ZDHHC14: variants seen among roughly 807,000 people sequenced by gnomAD.
ZDHHC14 encodes palmitoyltransferase ZDHHC14.
ZDHHC14 carries 16 observed loss-of-function variants against 47.7 expected under a neutral mutation model. The observed-to-expected ratio is 0.34, with a 90% CI of 0.23 to 0.51. The LOEUF is 0.51. Ranked by LOEUF, ZDHHC14 falls within the 20% of genes least tolerant of loss-of-function variation. The probability of loss-of-function intolerance (pLI) is 0.97; values close to 1 mark genes in which losing one functional copy is unlikely to be tolerated. For missense variants in ZDHHC14, 515 were observed against 662.5 expected, an observed-to-expected ratio of 0.78 and a Z score of 2.44; for synonymous variants, 293 against 278.9, an observed-to-expected ratio of 1.05 and a Z score of -0.50.
chr6:157,420,201 G>A (rs2114768620), intron 1 of ZDHHC14, among the ~76,000 whole-genome samples: 1 of 152,154 alleles, frequency 6.6e-6, no homozygotes, highest in Middle Eastern at 3.4e-3. Context: ...AGGCACTGAT[G>A]AGAGGAGAGA....
At chr6:157,494,469 C>A (rs748378903) in intron 1 of ZDHHC14, among the ~76,000 whole-genome samples, 1 of 152,204 alleles carries the variant, frequency 6.6e-6, no homozygotes, top group Admixed American at 6.5e-5. Flanking sequence ...CTGATTTCCA[C>A]TTGAAAGATG....
At chr6:157,587,035 T>C (rs1332758012) in intron 2 of ZDHHC14, among the ~76,000 whole-genome samples, 3 of 152,214 alleles carry the variant, frequency 2.0e-5, no homozygotes, top group Admixed American at 1.3e-4. Context: ...ATTTAAATAG[T>C]TGTAGTGTTG....
chr6:157,537,899 A>G (rs1781599371), intron 1 of ZDHHC14, among the ~76,000 whole-genome samples: 1 of 152,228 alleles, frequency 6.6e-6, no homozygotes, highest in Non-Finnish European at 1.5e-5. Flanking sequence ...GGGATGTCCC[A>G]TTAGTCTCAC....
intron 5 of ZDHHC14, among the ~76,000 whole-genome samples, chr6:157,636,296 GCA>G (rs1162290719): frequency 4.0e-5 from 6 of 150,678 alleles, no homozygotes; most frequent in South Asian, 2.1e-4. Flanking sequence ...AGCTATAGAC[GCA>G]CACACACACA....
intron 1 of ZDHHC14, among the ~76,000 whole-genome samples, chr6:157,447,710 G>T (rs1244081260): frequency 1.3e-5 from 2 of 152,168 alleles, no homozygotes; most frequent in African/African-American, 4.8e-5. Context: ...AAGGAAGGAG[G>T]ATAGAAGCCA....
At position 157,398,982 on chromosome 6, in the gene ZDHHC14, G is replaced by C. The variant is rs145582775; in HGVS notation, c.245+16716G>C. 7.6e-3 allele frequency among the ~76,000 whole-genome samples: 1,162 copies of C among 152,276 alleles called. 20 individuals carry two copies. The highest frequency in any genetic ancestry group is 0.026 in the African/African-American group (1,101 of 41,550). On this transcript the variant is annotated intron_variant, in intron 1 of 8. Transcript: ENST00000359775. ...ATGATTTTACTTGAAATGTCTGGTC[G>C]TATACATGGATCAAAATAATTAAGA...
At chr6:157,654,030 A>G (rs1182540047) in intron 8 of ZDHHC14, among the ~76,000 whole-genome samples, 1 of 152,000 alleles carries the variant, frequency 6.6e-6, no homozygotes, top group Non-Finnish European at 1.5e-5. Context: ...CACTTCCTCA[A>G]GCGTGCAGTG....
chr6:157,615,306 G>A (rs185940611), intron 3 of ZDHHC14, among the ~76,000 whole-genome samples: 116 of 152,280 alleles, frequency 7.6e-4, no homozygotes, highest in African/African-American at 2.4e-3. Context: ...ACGTCTGTGC[G>A]GACCCAAGTC....
chr6:157,586,946 C>G lies in ZDHHC14; in HGVS notation c.407-6042C>G, dbSNP rs572827281. ...ATCTTTTAAAAAATGCACTTTGGAA[C>G]TAAAGATCAATAGAGTTTATCTTCA... On this transcript the variant is annotated intron_variant, in intron 2 of 8. Transcript: ENST00000359775. This position sits in a 1 kb window ranked among gnomAD's most constrained non-coding sequence, Gnocchi z 4.6. Among the ~76,000 whole-genome samples, 8 of 152,290 alleles carry G rather than the reference C, an allele frequency of 5.3e-5. No homozygotes were observed. The highest frequency in any genetic ancestry group is 1.2e-4 in the Non-Finnish European group (8 of 68,014).
At chr6:157,625,908 C>T (rs1482759872) in intron 3 of ZDHHC14, among the ~76,000 whole-genome samples, 2 of 152,156 alleles carry the variant, frequency 1.3e-5, no homozygotes, top group African/African-American at 2.4e-5. Context: ...AGTTCACACT[C>T]ATCTCTAAGA....
intron 2 of ZDHHC14, among the ~76,000 whole-genome samples, chr6:157,552,312 T>C (rs1043619911): frequency 6.6e-6 from 1 of 151,840 alleles, no homozygotes; most frequent in Admixed American, 6.6e-5. Context: ...AAGCCAGAGA[T>C]GAAACCCTTC....
At chr6:157,668,986 G>T (rs961673326) in intron 8 of ZDHHC14, among the ~76,000 whole-genome samples, 1 of 152,212 alleles carries the variant, frequency 6.6e-6, no homozygotes, top group East Asian at 1.9e-4. Context: ...CAAACAATAT[G>T]CAGAGAACGA....
chr6:157,403,414 A>G (rs898526588), intron 1 of ZDHHC14, among the ~76,000 whole-genome samples: 1 of 152,154 alleles, frequency 6.6e-6, no homozygotes, highest in Non-Finnish European at 1.5e-5. Context: ...ATTTTCTTCA[A>G]TGTTTTACCC....
At chr6:157,570,260 G>T (rs1363350487) in intron 2 of ZDHHC14, among the ~76,000 whole-genome samples, 1 of 152,170 alleles carries the variant, frequency 6.6e-6, no homozygotes, top group Non-Finnish European at 1.5e-5. Context: ...GTGAAGCCTG[G>T]CCCTGCCATA....
intron 1 of ZDHHC14, among the ~76,000 whole-genome samples, chr6:157,516,735 T>A (rs1428959175): frequency 1.3e-5 from 2 of 152,200 alleles, no homozygotes; most frequent in Non-Finnish European, 2.9e-5. Flanking sequence ...AGCAAGAGAC[T>A]TGAAGGGCTA....
intron 1 of ZDHHC14, among the ~76,000 whole-genome samples, chr6:157,451,857 G>A (rs1778811374): frequency 6.6e-6 from 1 of 152,236 alleles, no homozygotes; most frequent in Non-Finnish European, 1.5e-5. Flanking sequence ...ACTGCGCTCA[G>A]CATCTTGAAT....
At chr6:157,665,158 G>A (rs571045300) in intron 8 of ZDHHC14, among the ~76,000 whole-genome samples, 15 of 152,304 alleles carry the variant, frequency 9.8e-5, no homozygotes, top group African/African-American at 3.4e-4. Context: ...TTTGCCTCCT[G>A]TACTTTGGCC....
At chr6:157,604,662 GC>G in intron 3 of ZDHHC14, among the ~76,000 whole-genome samples, 1 of 152,138 alleles carries the variant, frequency 6.6e-6, no homozygotes, top group South Asian at 2.1e-4. Context: ...TCCTGCCTCA[GC>G]CTCCAAAGTA....
chr6:157,405,004 C>A (rs747852435), intron 1 of ZDHHC14, among the ~76,000 whole-genome samples: 2 of 152,192 alleles, frequency 1.3e-5, no homozygotes, highest in Non-Finnish European at 2.9e-5. Context: ...CCATTCAGAA[C>A]ATTTACAGGG....
Sources: gnomAD v4.1 joint callset for allele counts (sites outside exome capture counted in the v4.1 genomes callset) on GRCh38, gnomAD v4.1.1 for gene constraint, Gnocchi (gnomAD v3.1) non-coding constraint, MANE v1.5 for transcripts, NCBI Gene and HGNC (gene_info 2026-07-23, HGNC 2026-07-21) for gene names.